The following SLC26A3 variants were observed in gnomAD, a reference collection of about 807,000 sequenced individuals.
The protein encoded by SLC26A3 is chloride anion exchanger.
In SLC26A3, 64 loss-of-function variants were observed where a neutral mutation model predicts 85.6. The ratio of observed to expected loss-of-function variants is 0.75; its 90% CI spans 0.61 to 0.92. The LOEUF (loss-of-function observed/expected upper bound fraction) is 0.92, where lower values mean the gene tolerates loss of function less well. Ranked by LOEUF, SLC26A3 falls within the 40% of genes least tolerant of loss-of-function variation. The pLI is 0.00. For synonymous variants in SLC26A3, 349 were observed against 336.0 expected (o/e 1.04, Z -0.42); for missense variants, 922 against 927.3 (o/e 0.99, Z 0.07).
rs1794405581 is a variant in SLC26A3, at chr7:107,791,719, C to T, written c.382+111G>A. 5.3e-6 allele frequency: 4 copies of T among 752,636 alleles called. No homozygotes were observed. In the Admixed American group the frequency reaches 8.0e-5, roughly 15 times the overall value. The allele number at this position is 752,636 out of a possible 1,614,324, so 46.6% of individuals were successfully genotyped here. On this transcript the variant is annotated intron_variant, in intron 4 of 20. Coordinates refer to ENST00000340010, the MANE Select transcript of SLC26A3 (RefSeq NM_000111.3). ...CCTGGTCCTAATTCTCACAGGAGACCATGACTCTTCTCCTGGATTATGTGA... is the reference window on the plus strand; with the variant it reads ...CCTGGTCCTAATTCTCACAGGAGACTATGACTCTTCTCCTGGATTATGTGA...
chr7:107,795,843 C>A lies in SLC26A3; in HGVS notation c.-88-1246G>T, dbSNP rs71566742. Reference sequence around the variant, plus strand: ...CACACTAGATAGTATCTTGTTACACCGTGCCCTCATATACCTTATGGGATT... The same window carrying A: ...CACACTAGATAGTATCTTGTTACACAGTGCCCTCATATACCTTATGGGATT... On this transcript the variant is annotated intron_variant, in intron 1 of 20. Transcript: ENST00000340010. Among the ~76,000 whole-genome samples the A allele has an allele frequency of 5.5e-3, 832 of 152,082 alleles. 5 individuals are homozygous for A. The highest frequency in any genetic ancestry group is 8.3e-3 in the Non-Finnish European group (566 of 68,000).
At chr7:107,766,668 A>C (rs770989050) in intron 20 of SLC26A3, among the ~76,000 whole-genome samples, 5 of 152,232 alleles carry the variant, frequency 3.3e-5, no homozygotes, top group East Asian at 3.9e-4. Flanking sequence ...CCTTTCAACT[A>C]AGAGAAATAC....
chr7:107,790,240 G>A (rs1480176183), intron 5 of SLC26A3, among the ~76,000 whole-genome samples: 5 of 152,128 alleles, frequency 3.3e-5, no homozygotes, highest in South Asian at 2.1e-4. Flanking sequence ...TTTTGCAATC[G>A]AGTGAATCGG....
chr7:107,776,440 C>T lies in SLC26A3; in HGVS notation c.1677+12G>A. On this transcript the variant is annotated intron_variant, in intron 15 of 20. Transcript: ENST00000340010. ...ATTACAAGGAAAAAAATTAAATAACCCCAAACCTTACAGCATCGATAAGTT... is the reference window on the plus strand; with the variant it reads ...ATTACAAGGAAAAAAATTAAATAACTCCAAACCTTACAGCATCGATAAGTT... 1 of 1,603,668 alleles carries T rather than the reference C, an allele frequency of 6.2e-7. No individual in the cohort carries two copies.
chr7:107,776,156 A>C (rs1038602776), intron 15 of SLC26A3: 2 of 432,382 alleles, frequency 4.6e-6, no homozygotes, highest in African/African-American at 4.0e-5. Flanking sequence ...GTAGGATGAC[A>C]TCTACTAAAA....
Position 107,774,130 on chromosome 7 carries a change from G to A in SLC26A3, c.1797C>T (p.Asp599=). The change falls in exon 17 of 21, where the codon GAC becomes GAT. Residue 599 remains aspartate, a synonymous_variant. Coordinates refer to ENST00000340010, the MANE Select transcript of SLC26A3 (RefSeq NM_000111.3). ...GCTCTTCGTCAGAATCTTTTATGGT[G>A]TCAACAGTACATATAAATCCTTTCT... The part of the protein sequence containing the change: ...VTPKGFICTV[D]TIKDSDEELD... The A allele has an allele frequency of 2.5e-6, 4 of 1,613,864 alleles. No individual in the cohort carries two copies. The highest frequency in any genetic ancestry group is 3.4e-6 in the Non-Finnish European group (4 of 1,179,764).
At chr7:107,791,579 T>C (rs949676141) in intron 4 of SLC26A3, among the ~76,000 whole-genome samples, 1 of 151,840 alleles carries the variant, frequency 6.6e-6, no homozygotes, top group African/African-American at 2.4e-5. Flanking sequence ...GCCACTGCAC[T>C]CCAACCTGGG....
At chr7:107,787,743 T>C (rs1304060342) in intron 6 of SLC26A3, among the ~76,000 whole-genome samples, 1 of 152,222 alleles carries the variant, frequency 6.6e-6, no homozygotes, top group African/African-American at 2.4e-5. Flanking sequence ...TAAGAATGCT[T>C]CTGGCATTTT....
intron 12 of SLC26A3, 29 bp from the exon 13 acceptor site, chr7:107,778,310 C>A (rs768277349): frequency 6.5e-6 from 8 of 1,236,730 alleles, no homozygotes; most frequent in Admixed American, 1.7e-5. Flanking sequence ...ACATACACTA[C>A]AATTTACTTT....
rs529189862 is a variant in SLC26A3, at chr7:107,795,023, T to A, written c.-88-426A>T. ...CCCAACAGAATTTTAAAATTTGTTT[T>A]TTTTACCTTGTAAAATTAAAAAATT... On this transcript the variant is annotated intron_variant, in intron 1 of 20. Transcript: ENST00000340010. Among the ~76,000 whole-genome samples, 175 of 152,348 alleles carry A rather than the reference T, an allele frequency of 1.1e-3. No individual in the cohort carries two copies. The Middle Eastern group carries it at 0.014, about 12-fold the overall frequency.
At chr7:107,775,393 G>C (rs1794093803) in intron 15 of SLC26A3, among the ~76,000 whole-genome samples, 1 of 151,782 alleles carries the variant, frequency 6.6e-6, no homozygotes. Context: ...GTAATATTTA[G>C]TTACAGATAA....
intron 18 of SLC26A3, among the ~76,000 whole-genome samples, chr7:107,769,144 CCAACAGTGTATAAG>C (rs965382124): frequency 3.3e-5 from 5 of 152,202 alleles, no homozygotes; most frequent in Non-Finnish European, 5.9e-5. Flanking sequence ...TTCACTCCCA[CCAACAGTGTATAAG>C]CACAGTGTGG....
intron 1 of SLC26A3, among the ~76,000 whole-genome samples, chr7:107,796,103 A>C (rs992496044): frequency 1.2e-4 from 12 of 101,194 alleles, no homozygotes; most frequent in African/African-American, 5.6e-4. Flanking sequence ...CCTTATTATT[A>C]TTATTATTAT....
intron 18 of SLC26A3, among the ~76,000 whole-genome samples, chr7:107,770,175 T>TGAGACAGGGTC (rs1794000033): frequency 7.7e-5 from 1 of 12,962 alleles, no homozygotes; most frequent in African/African-American, 4.4e-4. Flanking sequence ...TTTTTTTTTT[T>TGAGACAGGGTC]TTTTTTAAAA....
chr7:107,793,541 G>C (rs1462939861), intron 3 of SLC26A3, among the ~76,000 whole-genome samples: 1 of 152,112 alleles, frequency 6.6e-6, no homozygotes, highest in Non-Finnish European at 1.5e-5. Flanking sequence ...ATGCAGAAGA[G>C]GCAAATCCAC....
At chr7:107,768,772 T>G (rs1229962678) in intron 18 of SLC26A3, among the ~76,000 whole-genome samples, 2 of 152,158 alleles carry the variant, frequency 1.3e-5, no homozygotes, top group Non-Finnish European at 2.9e-5. Context: ...TGGGAAAACT[T>G]GAGCAGATAC....
At chr7:107,788,817 T>G (rs1794344125) in intron 6 of SLC26A3, among the ~76,000 whole-genome samples, 1 of 143,840 alleles carries the variant, frequency 7.0e-6, no homozygotes, top group Non-Finnish European at 1.5e-5. Flanking sequence ...TATGTCTCGC[T>G]CTGTTGCCCA....
At chr7:107,776,613 A>G (rs751983760) in intron 14 of SLC26A3, 24 bp downstream of exon 14, 5 of 1,610,734 alleles carry the variant, frequency 3.1e-6, no homozygotes, top group Non-Finnish European at 3.4e-6. Flanking sequence ...TAGCAAGTCA[A>G]AGAAAAACAT....
chr7:107,767,174 T>C (rs1040805687), intron 20 of SLC26A3, among the ~76,000 whole-genome samples: 5 of 152,184 alleles, frequency 3.3e-5, no homozygotes, highest in Admixed American at 3.3e-4. Context: ...TAGGGACTTC[T>C]CAAGCATCTG....
Sources: allele counts gnomAD v4.1 joint callset (sites outside exome capture counted in the v4.1 genomes callset), GRCh38; gene constraint gnomAD v4.1.1; transcripts MANE v1.5; gene names NCBI Gene and HGNC (gene_info 2026-07-23, HGNC 2026-07-21).